The following CCDC85A variants were observed in gnomAD, a reference collection of about 807,000 sequenced individuals.
CCDC85A encodes coiled-coil domain-containing protein 85A.
In CCDC85A, 38 loss-of-function variants were observed where a neutral mutation model predicts 50.2. That is an observed-to-expected ratio of 0.76 (90% confidence interval 0.58 to 0.99). The LOEUF is 0.99. Among genes scored for constraint, CCDC85A ranks in the 50% least tolerant of loss-of-function variants. CCDC85A has a pLI of 0.00. For missense variants in CCDC85A, 820 were observed against 742.0 expected (o/e 1.11, Z -1.22); for synonymous variants, 366 against 301.4 (o/e 1.21, Z -2.22).
intron 2 of CCDC85A, among the ~76,000 whole-genome samples, chr2:56,320,671 C>A (rs1346112172): frequency 1.3e-5 from 2 of 152,072 alleles, no homozygotes; most frequent in Non-Finnish European, 2.9e-5. Context: ...CAAAAAAAGT[C>A]CAGGACCAGA....
Position 56,234,532 on chromosome 2 carries a change from A to G in CCDC85A, c.1240+41092A>G, listed in dbSNP as rs117570196. On this transcript the variant is annotated intron_variant, in intron 2 of 5. Coordinates refer to ENST00000407595, the MANE Select transcript of CCDC85A (RefSeq NM_001080433.2). ...AAAAATTAAACCACCACATATTTTC[A>G]TTGTCTCTTGTATTTCATTCTTATT... Among the ~76,000 whole-genome samples the G allele has an allele frequency of 6.8e-4, 103 of 152,174 alleles. No homozygotes were observed. The East Asian group carries it at 0.019, about 28-fold the overall frequency.
chr2:56,325,490 A>G (rs1013449479), intron 2 of CCDC85A, among the ~76,000 whole-genome samples: 2 of 152,134 alleles, frequency 1.3e-5, no homozygotes, highest in African/African-American at 4.8e-5. Context: ...TGACTTCTGT[A>G]GGTGACATAC....
intron 2 of CCDC85A, among the ~76,000 whole-genome samples, chr2:56,269,267 T>G: frequency 6.6e-6 from 1 of 152,038 alleles, no homozygotes. Flanking sequence ...TTAAATGTAC[T>G]CCCAGCTCTA....
At position 56,342,971 on chromosome 2, in the gene CCDC85A, A is replaced by C; in HGVS notation, c.1317+16A>C. The C allele has an allele frequency of 6.4e-7, 1 of 1,560,852 alleles. No individual in the cohort carries two copies. Among genetic ancestry groups the C allele is most frequent in the Non-Finnish European group, 8.7e-7 (1 of 1,144,796 alleles). On this transcript the variant is annotated intron_variant, in intron 3 of 5. Coordinates refer to ENST00000407595, the MANE Select transcript of CCDC85A (RefSeq NM_001080433.2). ...GCTGCCCCAGGTGGGTGACTTCCAG[A>C]AGCTCATAGCTAGTCAGTGCCATTT...
At chr2:56,284,157 T>A (rs1310305740) in intron 2 of CCDC85A, among the ~76,000 whole-genome samples, 1 of 152,190 alleles carries the variant, frequency 6.6e-6, no homozygotes, top group East Asian at 1.9e-4. Flanking sequence ...TTTAAATACT[T>A]GGGCATTGCT....
At chr2:56,305,033 G>A (rs1053699288) in intron 2 of CCDC85A, among the ~76,000 whole-genome samples, 6 of 151,674 alleles carry the variant, frequency 4.0e-5, no homozygotes, top group Non-Finnish European at 5.9e-5. Context: ...AACCCAGGAG[G>A]CAGAGGTTGC....
intron 2 of CCDC85A, among the ~76,000 whole-genome samples, chr2:56,278,959 G>A: frequency 6.6e-6 from 1 of 152,192 alleles, no homozygotes; most frequent in East Asian, 1.9e-4. Flanking sequence ...GGCACGAGGG[G>A]GAAGGAACAA....
intron 4 of CCDC85A, among the ~76,000 whole-genome samples, chr2:56,374,790 T>C (rs1425841565): frequency 6.6e-6 from 1 of 152,182 alleles, no homozygotes; most frequent in Non-Finnish European, 1.5e-5. Context: ...GCCTGGGCGA[T>C]GGAGAGAGTC....
At chr2:56,265,446 A>G (rs1376492676) in intron 2 of CCDC85A, among the ~76,000 whole-genome samples, 1 of 150,364 alleles carries the variant, frequency 6.7e-6, no homozygotes. Flanking sequence ...GATACTTCAT[A>G]ACAAGAAAAC....
intron 2 of CCDC85A, among the ~76,000 whole-genome samples, chr2:56,327,346 C>A (rs1673527586): frequency 6.6e-6 from 1 of 152,068 alleles, no homozygotes; most frequent in Non-Finnish European, 1.5e-5. Context: ...TGGACAGTCA[C>A]AGAGTTTGAA....
In CCDC85A at chr2:56,193,391, A is replaced by G. The variant is rs1676394260; in HGVS notation, c.1191A>G (p.Ala397=). ...GGGAGGGCACCCTCAGACGGCAGGC[A>G]CAGGAGGACGGGTCACCCCATCACC... is the stretch of plus-strand genomic sequence containing the variant. ...GSREGTLRRQ[A]QEDGSPHHRN... is the part of the protein sequence containing the mutation. Residue 397 remains alanine, a synonymous_variant, in exon 2 of 6, where the codon GCA becomes GCG. Transcript: ENST00000407595. 6.2e-7 allele frequency: 1 copy of G among 1,611,352 alleles called. No individual in the cohort carries two copies. Among genetic ancestry groups the G allele is most frequent in the East Asian group, 2.2e-5 (1 of 44,784 alleles).
At chr2:56,301,902 C>G (rs772609173) in intron 2 of CCDC85A, among the ~76,000 whole-genome samples, 36 of 152,086 alleles carry the variant, frequency 2.4e-4, no homozygotes, top group Non-Finnish European at 4.3e-4. Flanking sequence ...CACATGCATA[C>G]CTATGTAACA....
At chr2:56,351,932 C>G (rs1674967294) in intron 3 of CCDC85A, among the ~76,000 whole-genome samples, 1 of 152,084 alleles carries the variant, frequency 6.6e-6, no homozygotes, top group Non-Finnish European at 1.5e-5. Flanking sequence ...TTGCCTATGC[C>G]TATGTCCTGA....
intron 2 of CCDC85A, among the ~76,000 whole-genome samples, chr2:56,306,905 G>A (rs967761811): frequency 6.6e-6 from 1 of 152,040 alleles, no homozygotes; most frequent in East Asian, 1.9e-4. Flanking sequence ...TTTTCTAGCT[G>A]TTACCATGTT....
rs188493862 is a variant in CCDC85A at position 56,333,973 on chromosome 2, G to C, written c.1241-8906G>C. Among the ~76,000 whole-genome samples, 17 of 152,310 alleles carry C rather than the reference G, an allele frequency of 1.1e-4. No homozygotes were observed. The East Asian group carries it at 2.7e-3, about 24-fold the overall frequency. On this transcript the variant is annotated intron_variant, in intron 2 of 5. Coordinates refer to ENST00000407595, the MANE Select transcript of CCDC85A (RefSeq NM_001080433.2). ...TCCAGAATATGGGTCTTCCCAGCCA[G>C]TGCTTCTGAGCACCACCTTTCTTTC...
At chr2:56,214,242 T>C (rs1250298627) in intron 2 of CCDC85A, among the ~76,000 whole-genome samples, 2 of 151,950 alleles carry the variant, frequency 1.3e-5, no homozygotes, top group Non-Finnish European at 2.9e-5. Context: ...TTTCTCTCAT[T>C]TGTAAGAAGA....
intron 2 of CCDC85A, among the ~76,000 whole-genome samples, chr2:56,266,585 C>CG (rs201581394): frequency 3.0e-5 from 4 of 133,576 alleles, no homozygotes; most frequent in Non-Finnish European, 6.6e-5. Context: ...CGCGCCCCCC[C>CG]CCCCCATAAT....
intron 2 of CCDC85A, among the ~76,000 whole-genome samples, chr2:56,223,859 T>A (rs1342724116): frequency 6.6e-6 from 1 of 152,160 alleles, no homozygotes; most frequent in Admixed American, 6.6e-5. Context: ...AATAACGCTC[T>A]GTGATCCACT....
At chr2:56,300,649 T>A (rs1224875942) in intron 2 of CCDC85A, among the ~76,000 whole-genome samples, 1 of 152,230 alleles carries the variant, frequency 6.6e-6, no homozygotes, top group Non-Finnish European at 1.5e-5. Flanking sequence ...CCTTGGAGTT[T>A]GTGAACTCAG....
Sources: gnomAD v4.1 joint callset for allele counts (sites outside exome capture counted in the v4.1 genomes callset) on GRCh38, gnomAD v4.1.1 for gene constraint, MANE v1.5 for transcripts, NCBI Gene and HGNC (gene_info 2026-07-23, HGNC 2026-07-21) for gene names.